Variants in MYRIP observed in about 807,000 individuals in gnomAD.
MYRIP encodes myosin VIIA and Rab interacting protein, also known as rab effector MyRIP.
In MYRIP, 49 loss-of-function variants were observed where a neutral mutation model predicts 98.0. That is an observed-to-expected ratio of 0.50 (90% CI 0.40 to 0.63). The LOEUF (loss-of-function observed/expected upper bound fraction) is 0.63. MYRIP is among the 30% of genes least tolerant of loss of function. The pLI is 0.00. For missense variants in MYRIP, 1,004 were observed against 1,058.2 expected, an observed-to-expected ratio of 0.95 and a Z score of 0.71; for synonymous variants, 404 against 409.5, an observed-to-expected ratio of 0.99 and a Z score of 0.16.
At chr3:39,887,197 G>C (rs1198224156) in intron 1 of MYRIP, among the ~76,000 whole-genome samples, 3 of 152,078 alleles carry the variant, frequency 2.0e-5, no homozygotes, top group Non-Finnish European at 4.4e-5. Flanking sequence ...GCAGGGTGTA[G>C]AGGGAAATTT....
At chr3:39,937,947 T>C (rs1944695365) in intron 2 of MYRIP, among the ~76,000 whole-genome samples, 1 of 152,056 alleles carries the variant, frequency 6.6e-6, no homozygotes, top group Non-Finnish European at 1.5e-5. Context: ...AAAATTCAAA[T>C]GAAAAGGAGG....
chr3:39,999,920 G>A lies in MYRIP; in HGVS notation c.111-44130G>A, dbSNP rs867783956. Among the ~76,000 whole-genome samples the A allele has an allele frequency of 6.0e-3, 900 of 151,080 alleles. 9 individuals carry two copies. Among genetic ancestry groups the A allele is most frequent in the African/African-American group, 0.02 (827 of 41,156 alleles). On this transcript the variant is annotated intron_variant, in intron 2 of 16. Transcript: ENST00000302541. ...AAACCATCATTCTCAGCAAACTATC[G>A]CAAGGACAAAAAACCAAACACTGCA... is the stretch of plus-strand genomic sequence containing the variant.
chr3:39,986,449 TCTCTCCC>T (rs1946034382), intron 2 of MYRIP, among the ~76,000 whole-genome samples: 1 of 132,592 alleles, frequency 7.5e-6, no homozygotes, highest in African/African-American at 3.6e-5. Flanking sequence ...TCTCCCTCTC[TCTCTCCC>T]TCTCTCTCTC....
chr3:39,952,589 G>T (rs1945050432), intron 2 of MYRIP, among the ~76,000 whole-genome samples: 1 of 152,030 alleles, frequency 6.6e-6, no homozygotes, highest in African/African-American at 2.4e-5. Flanking sequence ...ATTCCTGATG[G>T]TCTATAATTT....
Position 40,250,262 on chromosome 3 carries a change from C to G in MYRIP, c.2303C>G (p.Ala768Gly). 5 of 1,614,088 alleles carry G rather than the reference C, an allele frequency of 3.1e-6. No individual in the cohort carries two copies. Among genetic ancestry groups the G allele is most frequent in the Non-Finnish European group, 4.2e-6 (5 of 1,179,956 alleles). ...AGCCGGATTTCAGCCCTGACCATTGCAGGATTAAACATAGCACCATGTGTG... is the reference window on the plus strand; with the variant it reads ...AGCCGGATTTCAGCCCTGACCATTGGAGGATTAAACATAGCACCATGTGTG... ...IESRISALTI[A>G]GLNIAPCVRF... Residue 768 changes from alanine (A) to glycine (G), a missense_variant, in exon 14 of 17, where the codon GCA (alanine) becomes GGA (glycine). Ala to Gly is a moderately conservative substitution (Grantham distance 60). Transcript: ENST00000302541.
At chr3:40,243,240 C>T (rs1242269257) in intron 12 of MYRIP, among the ~76,000 whole-genome samples, 1 of 152,036 alleles carries the variant, frequency 6.6e-6, no homozygotes, top group African/African-American at 2.4e-5. Flanking sequence ...GATGATGATG[C>T]GCAAATTTGC....
intron 1 of MYRIP, among the ~76,000 whole-genome samples, chr3:39,824,804 C>T (rs550165226): frequency 3.9e-5 from 6 of 151,928 alleles, no homozygotes; most frequent in African/African-American, 1.4e-4. Context: ...CAGCCTTAAA[C>T]TCCTGGGCTT....
chr3:39,851,677 C>T (rs995383094), intron 1 of MYRIP, among the ~76,000 whole-genome samples: 38 of 152,178 alleles, frequency 2.5e-4, no homozygotes, highest in African/African-American at 8.0e-4. Context: ...CACCAGTTTT[C>T]AGCTTCTAGC....
chr3:39,874,315 A>T (rs995688670), intron 1 of MYRIP, among the ~76,000 whole-genome samples: 1 of 151,856 alleles, frequency 6.6e-6, no homozygotes. Context: ...CTCTTTTCCT[A>T]ATTGAATACC....
chr3:40,255,723 G>A (rs937125037), intron 16 of MYRIP, among the ~76,000 whole-genome samples: 1 of 152,214 alleles, frequency 6.6e-6, no homozygotes, highest in Non-Finnish European at 1.5e-5. Flanking sequence ...ATGGTGCAAC[G>A]GTTGGTGACT....
rs138197309 is a variant in MYRIP at position 40,224,856 on chromosome 3, C to T, written c.1906-9003C>T. 6.6e-5 allele frequency among the ~76,000 whole-genome samples: 10 copies of T among 152,322 alleles called. No individual in the cohort carries two copies. The East Asian group carries it at 1.9e-3, about 29-fold the overall frequency. On this transcript the variant is annotated intron_variant, in intron 11 of 16. Coordinates refer to ENST00000302541, the MANE Select transcript of MYRIP (RefSeq NM_015460.4). ...AAGTTCATGTTCCAATTTCTTTCCA[C>T]AGTTCTGTGCCACCCTCTTGCATCA... is the stretch of plus-strand genomic sequence containing the variant.
intron 1 of MYRIP, among the ~76,000 whole-genome samples, chr3:39,831,229 C>T (rs116666811): frequency 6.6e-6 from 1 of 152,090 alleles, no homozygotes; most frequent in Non-Finnish European, 1.5e-5. Flanking sequence ...CTCCTATAGA[C>T]TCATCTTGTT....
chr3:40,113,887 C>T (rs1367510095), intron 3 of MYRIP, among the ~76,000 whole-genome samples: 1 of 152,038 alleles, frequency 6.6e-6, no homozygotes, highest in Non-Finnish European at 1.5e-5. Context: ...GACAGGGTTT[C>T]ACCATGTTAG....
chr3:39,853,430 A>AT (rs1301488440), intron 1 of MYRIP, among the ~76,000 whole-genome samples: 2 of 151,590 alleles, frequency 1.3e-5, no homozygotes, highest in Admixed American at 1.3e-4. Context: ...TATTTTTTTT[A>AT]TTTTTTGATT....
chr3:39,941,712 TAA>T (rs1439441105), intron 2 of MYRIP, among the ~76,000 whole-genome samples: 1 of 152,094 alleles, frequency 6.6e-6, no homozygotes, highest in African/African-American at 2.4e-5. Context: ...CCATATCATA[TAA>T]ATACATTTCA....
At position 40,162,797 on chromosome 3, in the gene MYRIP, T is replaced by C. The variant is rs1242011000; in HGVS notation, c.537T>C (p.Tyr179=). 1 of 1,614,050 alleles carries C rather than the reference T, an allele frequency of 6.2e-7. No homozygotes were observed. The highest frequency in any genetic ancestry group is 1.3e-5 in the African/African-American group (1 of 75,024). The change falls in exon 5 of 17, where the codon TAT becomes TAC. Residue 179 remains tyrosine (Y), a synonymous_variant. Transcript: ENST00000302541. The stretch of plus-strand genomic sequence containing the variant: ...TTTCTGGCAGTGATTCAACATTTTA[T>C]AGGCAGTCAGAAGGTAAAGTTGCTT... ...GSISGSDSTF[Y]RQSEGHSVMD...
chr3:40,237,604 T>C (rs753054607), intron 12 of MYRIP, among the ~76,000 whole-genome samples: 7 of 152,134 alleles, frequency 4.6e-5, no homozygotes, highest in Non-Finnish European at 7.4e-5. Flanking sequence ...ACTTAGTGAA[T>C]GTTCAGCTGA....
At chr3:40,235,858 A>G (rs1952808792) in intron 12 of MYRIP, among the ~76,000 whole-genome samples, 1 of 152,178 alleles carries the variant, frequency 6.6e-6, no homozygotes, top group Non-Finnish European at 1.5e-5. Flanking sequence ...ATCCATTTCA[A>G]CATTTAGAAG....
chr3:40,065,804 G>A (rs9853925), intron 3 of MYRIP, among the ~76,000 whole-genome samples: 44,002 of 151,968 alleles, frequency 0.29, 6,450 homozygotes, highest in East Asian at 0.36. Flanking sequence ...ATGTCCTGAA[G>A]GGCAGGATCT....
Sources: gnomAD v4.1 joint callset for allele counts (sites outside exome capture counted in the v4.1 genomes callset) on GRCh38, gnomAD v4.1.1 for gene constraint, MANE v1.5 for transcripts, NCBI Gene and HGNC (gene_info 2026-07-23, HGNC 2026-07-21) for gene names.